The following IL1RAP variants were observed in gnomAD, a reference collection of about 807,000 sequenced individuals.
IL1RAP encodes interleukin-1 receptor accessory protein.
Under a neutral mutation model 60.7 loss-of-function variants are expected in IL1RAP, and 35 were observed. That is an observed-to-expected ratio of 0.58 (90% CI 0.44 to 0.76). The LOEUF (loss-of-function observed/expected upper bound fraction) is 0.76. Among genes scored for constraint, IL1RAP ranks in the 30% least tolerant of loss-of-function variants. The pLI is 0.00. For missense variants in IL1RAP, 572 were observed against 693.9 expected (o/e 0.82, Z 1.97); for synonymous variants, 268 against 250.9 (o/e 1.07, Z -0.64).
chr3:190,589,517 G>T (rs1728760662), intron 3 of IL1RAP, among the ~76,000 whole-genome samples: 1 of 152,162 alleles, frequency 6.6e-6, no homozygotes, highest in African/African-American at 2.4e-5. Context: ...AAACACAGTG[G>T]CAGGATTGTC....
At chr3:190,514,391 C>T (rs2108570898) in intron 1 of IL1RAP, among the ~76,000 whole-genome samples, 172 bp downstream of exon 1, 1 of 152,292 alleles carries the variant, frequency 6.6e-6, no homozygotes, top group African/African-American at 2.4e-5. Context: ...GGACTGGAGC[C>T]CGGATTCGAA....
At chr3:190,534,453 G>A (rs1171790596) in intron 1 of IL1RAP, among the ~76,000 whole-genome samples, 4 of 152,132 alleles carry the variant, frequency 2.6e-5, no homozygotes, top group Non-Finnish European at 5.9e-5. Context: ...CTTCATAGCT[G>A]TAGGGACTCC....
At chr3:190,528,087 C>T (rs1722670019) in intron 1 of IL1RAP, among the ~76,000 whole-genome samples, 1 of 152,052 alleles carries the variant, frequency 6.6e-6, no homozygotes, top group South Asian at 2.1e-4. Flanking sequence ...TGGAGCATTA[C>T]TTAATCTTAG....
chr3:190,553,584 C>T (rs1725082942), intron 1 of IL1RAP, among the ~76,000 whole-genome samples: 1 of 152,138 alleles, frequency 6.6e-6, no homozygotes, highest in Admixed American at 6.5e-5. Flanking sequence ...CATTCCCCAG[C>T]CCCAGCCGGG....
chr3:190,645,104 T>C (rs1185059137), intron 10 of IL1RAP, among the ~76,000 whole-genome samples: 2 of 152,212 alleles, frequency 1.3e-5, no homozygotes, highest in Admixed American at 1.3e-4. Context: ...CAAATTTGCT[T>C]AGTGAAAAGA....
At chr3:190,532,680 A>T (rs970740748) in intron 1 of IL1RAP, among the ~76,000 whole-genome samples, 1 of 151,726 alleles carries the variant, frequency 6.6e-6, no homozygotes, top group Non-Finnish European at 1.5e-5. Flanking sequence ...TCATGATGAA[A>T]CCCCGTGCTT....
Position 190,639,672 on chromosome 3 carries a change from T to C in IL1RAP, c.1052-4576T>C, listed in dbSNP as rs79899960. ...TTTTTATATAGCTTTTTAAAAATTA[T>C]ATGCTGGATATTATGGATGTTACAA... On this transcript the variant is annotated intron_variant, in intron 9 of 11. Coordinates refer to ENST00000447382, the MANE Select transcript of IL1RAP (RefSeq NM_002182.4). Among the ~76,000 whole-genome samples, 993 of 152,340 alleles carry C rather than the reference T, an allele frequency of 6.5e-3. 9 individuals carry two copies. The highest frequency in any genetic ancestry group is 0.023 in the African/African-American group (945 of 41,570).
At chr3:190,631,555 A>G (rs557848094) in intron 9 of IL1RAP, among the ~76,000 whole-genome samples, 1 of 152,346 alleles carries the variant, frequency 6.6e-6, no homozygotes, top group East Asian at 1.9e-4. Flanking sequence ...TGGGCCAGCT[A>G]ATGCTGAAAT....
Position 190,651,411 on chromosome 3 carries a change from G to C in IL1RAP, c.*2706G>C, listed in dbSNP as rs930181380. ...CTTTCCATAGGTTTTAATATTTTGAGAGTGTCTTTTTTATTTCATTCATGA... is the reference window on the plus strand; with the variant it reads ...CTTTCCATAGGTTTTAATATTTTGACAGTGTCTTTTTTATTTCATTCATGA... On this transcript the variant is annotated 3_prime_UTR_variant, in exon 12 of 12. Transcript: ENST00000447382. 57 of 709,746 alleles carry C rather than the reference G, an allele frequency of 8.0e-5. No individual in the cohort carries two copies. Among genetic ancestry groups the C allele is most frequent in the Non-Finnish European group, 9.3e-5 (54 of 578,718 alleles). 44.0% of individuals were successfully genotyped at this position (709,746 alleles called of 1,614,324 possible).
intron 3 of IL1RAP, 49 bp from the exon 4 acceptor site, chr3:190,604,079 G>A (rs1180399114): frequency 6.4e-7 from 1 of 1,569,462 alleles, no homozygotes; most frequent in Non-Finnish European, 8.7e-7. Flanking sequence ...TGAGGCCTTT[G>A]TTGTAAAATG....
intron 3 of IL1RAP, among the ~76,000 whole-genome samples, chr3:190,591,051 C>A (rs896471122): frequency 3.3e-5 from 5 of 152,158 alleles, no homozygotes; most frequent in African/African-American, 1.2e-4. Context: ...CCCTTGTCGT[C>A]CAACACTCTC....
chr3:190,543,277 G>A (rs1043268123), intron 1 of IL1RAP, among the ~76,000 whole-genome samples: 2 of 152,060 alleles, frequency 1.3e-5, no homozygotes, highest in Non-Finnish European at 2.9e-5. Context: ...AACACATAAA[G>A]GAATTATAGT....
intron 3 of IL1RAP, among the ~76,000 whole-genome samples, chr3:190,571,838 T>C (rs546315706): frequency 3.4e-4 from 52 of 152,350 alleles, no homozygotes; most frequent in Non-Finnish European, 2.4e-4. Flanking sequence ...TATGGACTTT[T>C]TGTGATTTTC....
chr3:190,594,680 C>G (rs771590555), intron 3 of IL1RAP, among the ~76,000 whole-genome samples: 6 of 152,188 alleles, frequency 3.9e-5, no homozygotes, highest in Non-Finnish European at 8.8e-5. Flanking sequence ...TCCCCACACT[C>G]TATTGGGAAG....
In IL1RAP at chr3:190,648,716, G is replaced by T; in HGVS notation, c.*11G>T. The stretch of plus-strand genomic sequence containing the variant: ...TTGAAAAATGTATGAAAGGAATAAT[G>T]AAAAGGGTAAAAAGAACAAGGGGTG... On this transcript the variant is annotated 3_prime_UTR_variant, in exon 12 of 12. Transcript: ENST00000447382. 6.3e-7 allele frequency: 1 copy of T among 1,599,528 alleles called. No individual in the cohort carries two copies. The highest frequency in any genetic ancestry group is 8.5e-7 in the Non-Finnish European group (1 of 1,173,948).
intron 1 of IL1RAP, among the ~76,000 whole-genome samples, chr3:190,532,003 A>G (rs1723023520): frequency 7.7e-6 from 1 of 130,662 alleles, no homozygotes; most frequent in Non-Finnish European, 1.6e-5. Flanking sequence ...GAAAGGCCTC[A>G]GAGGAATATG....
chr3:190,561,052 G>C (rs973979929), intron 2 of IL1RAP, among the ~76,000 whole-genome samples: 2 of 152,130 alleles, frequency 1.3e-5, no homozygotes, highest in Non-Finnish European at 2.9e-5. Context: ...AGAATCATCT[G>C]AAGCAACAGC....
chr3:190,627,248 CTT>C lies in IL1RAP; in HGVS notation c.776-73_776-72del, dbSNP rs1732370628. ...ATAAACACTAATGGGCTAACTTTGTCTTTGTTTTTTGTTTTGTTTTGTTTTGT... is the reference window on the plus strand; with the variant it reads ...ATAAACACTAATGGGCTAACTTTGTCTGTTTTTTGTTTTGTTTTGTTTTGT... On this transcript the variant is annotated intron_variant, in intron 7 of 11. Coordinates refer to ENST00000447382, the MANE Select transcript of IL1RAP (RefSeq NM_002182.4). 2.0e-5 allele frequency: 25 copies of C among 1,270,246 alleles called. No homozygotes were observed. In the Admixed American group the frequency reaches 2.9e-4, roughly 15 times the overall value. 78.7% of individuals were successfully genotyped at this position (1,270,246 alleles called of 1,614,324 possible). A position where few individuals can be genotyped will look rare whatever the true frequency, so the allele number is the denominator to read the frequency against.
At chr3:190,640,864 A>G (rs1733608281) in intron 9 of IL1RAP, among the ~76,000 whole-genome samples, 1 of 152,228 alleles carries the variant, frequency 6.6e-6, no homozygotes, top group Non-Finnish European at 1.5e-5. Flanking sequence ...AAATCTGGCT[A>G]CATCCTGAAT....
Sources: allele counts gnomAD v4.1 joint callset (sites outside exome capture counted in the v4.1 genomes callset), GRCh38; gene constraint gnomAD v4.1.1; transcripts MANE v1.5; gene names NCBI Gene and HGNC (gene_info 2026-07-23, HGNC 2026-07-21).